Variants in QTMAN observed in about 807,000 individuals in gnomAD.
QTMAN encodes tRNA-queuosine alpha-mannosyltransferase.
At chr2:144,241,645 A>G in the QTMAN span, among the ~76,000 whole-genome samples, 1 of 152,008 alleles carries the variant, frequency 6.6e-6, no homozygotes, top group Non-Finnish European at 1.5e-5. Flanking sequence ...TTTCTTTTTT[A>G]TTCTTCTTTC....
the QTMAN span, among the ~76,000 whole-genome samples, chr2:144,105,307 G>A: frequency 6.6e-6 from 1 of 152,264 alleles, no homozygotes; most frequent in African/African-American, 2.4e-5. Context: ...AAACTTCTCC[G>A]AGCTAAAGGA....
At chr2:144,181,681 C>T in the QTMAN span, among the ~76,000 whole-genome samples, 32 of 152,038 alleles carry the variant, frequency 2.1e-4, no homozygotes, top group Admixed American at 2.1e-3. Flanking sequence ...TGTGGTGGTG[C>T]ATGCCTGTAG....
the QTMAN span, among the ~76,000 whole-genome samples, chr2:143,954,522 CATT>C: frequency 6.6e-6 from 1 of 151,906 alleles, no homozygotes; most frequent in African/African-American, 2.4e-5. Flanking sequence ...ATAGAAATGG[CATT>C]ATTTGATTTA....
At chr2:144,237,448 C>T in the QTMAN span, 1 of 152,110 alleles carries the variant, frequency 6.6e-6, no homozygotes, top group Non-Finnish European at 1.5e-5. Context: ...GATAATGTTA[C>T]GATACAAGCT....
the QTMAN span, among the ~76,000 whole-genome samples, chr2:144,247,394 C>G: frequency 6.6e-6 from 1 of 152,096 alleles, no homozygotes; most frequent in Non-Finnish European, 1.5e-5. Flanking sequence ...AACTTTTCAT[C>G]AGAATTAATT....
At chr2:144,241,239 A>T in the QTMAN span, among the ~76,000 whole-genome samples, 1 of 152,224 alleles carries the variant, frequency 6.6e-6, no homozygotes, top group Non-Finnish European at 1.5e-5. Context: ...CAGTGTTTTA[A>T]CAAGTCTTTC....
At chr2:144,182,891 T>TA in the QTMAN span, among the ~76,000 whole-genome samples, 1 of 94,142 alleles carries the variant, frequency 1.1e-5, no homozygotes, top group Non-Finnish European at 2.0e-5. Context: ...ATATTTTATA[T>TA]ATATATATAT....
At chr2:143,972,802 G>C in the QTMAN span, among the ~76,000 whole-genome samples, 2 of 152,086 alleles carry the variant, frequency 1.3e-5, no homozygotes, top group African/African-American at 4.8e-5. Flanking sequence ...AGAAAAAGAG[G>C]CATTTTATAC....
chr2:144,116,774 C>T, the QTMAN span, among the ~76,000 whole-genome samples: 1 of 152,164 alleles, frequency 6.6e-6, no homozygotes, highest in African/African-American at 2.4e-5. Flanking sequence ...TCCCATGAGG[C>T]TAATAGGGAA....
the QTMAN span, among the ~76,000 whole-genome samples, chr2:143,994,782 G>A: frequency 6.6e-6 from 1 of 152,148 alleles, no homozygotes; most frequent in Non-Finnish European, 1.5e-5. Context: ...TCCTTCTAAG[G>A]TGATGGAAAT....
At chr2:144,296,656 T>C in the QTMAN span, among the ~76,000 whole-genome samples, 1 of 152,174 alleles carries the variant, frequency 6.6e-6, no homozygotes, top group Admixed American at 6.5e-5. Context: ...TTTGGAAAAA[T>C]TACCCCGATT....
At chr2:144,007,858 T>C in the QTMAN span, among the ~76,000 whole-genome samples, 87 of 152,178 alleles carry the variant, frequency 5.7e-4, no homozygotes, top group East Asian at 0.015. Context: ...CATTTTGTGT[T>C]TTCCAATCAC....
the QTMAN span, among the ~76,000 whole-genome samples, chr2:144,033,003 C>A: frequency 6.6e-6 from 1 of 152,048 alleles, no homozygotes; most frequent in African/African-American, 2.4e-5. Flanking sequence ...TAACTATTAT[C>A]CCATGGAAAA....
the QTMAN span, among the ~76,000 whole-genome samples, chr2:144,318,570 G>A: frequency 1.3e-5 from 2 of 152,140 alleles, no homozygotes; most frequent in East Asian, 1.9e-4. Flanking sequence ...TAAATTAGAT[G>A]TGTGCAACTT....
the QTMAN span, chr2:143,951,877 T>C: frequency 4.8e-6 from 3 of 628,850 alleles, no homozygotes; most frequent in African/African-American, 1.9e-5. Flanking sequence ...CTCCCTAGCA[T>C]GTTTCCTTTA....
At chr2:144,317,384 T>TGGAAGGATGGAAGGAA in the QTMAN span, 7 of 97,356 alleles carry the variant, frequency 7.2e-5, no homozygotes, top group Non-Finnish European at 1.3e-4. Flanking sequence ...GAAGGAAGGA[T>TGGAAGGATGGAAGGAA]GGAAGGAAGG....
At chr2:144,038,375 G>C in the QTMAN span, among the ~76,000 whole-genome samples, 2 of 151,902 alleles carry the variant, frequency 1.3e-5, no homozygotes, top group African/African-American at 4.8e-5. Context: ...TTATATATAC[G>C]TTTGTCTCAT....
chr2:143,959,499 TCA>T, the QTMAN span, among the ~76,000 whole-genome samples: 1 of 152,080 alleles, frequency 6.6e-6, no homozygotes, highest in Non-Finnish European at 1.5e-5. Flanking sequence ...TGGAGGAATG[TCA>T]CAGAGTTAAA....
chr2:143,984,263 T>G, the QTMAN span, among the ~76,000 whole-genome samples: 6 of 152,190 alleles, frequency 3.9e-5, no homozygotes, highest in African/African-American at 1.4e-4. Context: ...AACATCATCT[T>G]TCAGAACACT....
Sources: gnomAD v4.1 joint callset for allele counts (sites outside exome capture counted in the v4.1 genomes callset) on GRCh38, gnomAD v4.1.1 for gene constraint, MANE v1.5 for transcripts, NCBI Gene and HGNC (gene_info 2026-07-23, HGNC 2026-07-21) for gene names.